Variants in C12orf42 observed in about 807,000 individuals in gnomAD.
C12orf42 encodes the protein chromosome 12 open reading frame 42.
In C12orf42, 25 loss-of-function variants were observed where a neutral mutation model predicts 21.6. The observed-to-expected ratio is 1.16, with a 90% CI of 0.84 to 1.62. The LOEUF (loss-of-function observed/expected upper bound fraction) is 1.62. Among genes scored for constraint, C12orf42 ranks in the 40% most tolerant of loss-of-function variants. C12orf42 has a pLI of 0.00. For synonymous variants in C12orf42, 174 were observed against 175.0 expected, an observed-to-expected ratio of 0.99 and a Z score of 0.05; for missense variants, 483 against 459.3, an observed-to-expected ratio of 1.05 and a Z score of -0.47.
chr12:103,094,147 G>GT, the C12orf42 span, among the ~76,000 whole-genome samples: 2 of 152,144 alleles, frequency 1.3e-5, no homozygotes, highest in African/African-American at 4.8e-5. Flanking sequence ...CCTATATCAG[G>GT]TTTTTATGAC....
intron 2 of C12orf42, among the ~76,000 whole-genome samples, chr12:103,439,871 C>G (rs1951059156): frequency 6.7e-6 from 1 of 149,864 alleles, no homozygotes; most frequent in Non-Finnish European, 1.5e-5. Context: ...GGATCTAAAA[C>G]TAGAAATACC....
At chr12:103,395,062 G>A (rs2047399876) in intron 3 of C12orf42, among the ~76,000 whole-genome samples, 1 of 152,230 alleles carries the variant, frequency 6.6e-6, no homozygotes, top group Non-Finnish European at 1.5e-5. Context: ...CCTGCTGGGA[G>A]CTAAGGATAC....
chr12:103,259,576 G>T (rs2034789492), intron 10 of C12orf42, among the ~76,000 whole-genome samples: 1 of 152,170 alleles, frequency 6.6e-6, no homozygotes, highest in Non-Finnish European at 1.5e-5. Context: ...ACCATGCCTG[G>T]CCATCTTACC....
chr12:103,070,063 C>G, the C12orf42 span, among the ~76,000 whole-genome samples: 1 of 152,156 alleles, frequency 6.6e-6, no homozygotes, highest in Non-Finnish European at 1.5e-5. Flanking sequence ...TTCTGAACTC[C>G]AATTTTATTT....
At chr12:103,442,723 C>T (rs979172302) in intron 2 of C12orf42, among the ~76,000 whole-genome samples, 2 of 152,064 alleles carry the variant, frequency 1.3e-5, no homozygotes, top group African/African-American at 4.8e-5. Context: ...TAAGCGCTTT[C>T]TATGTGTCAG....
At chr12:103,165,807 C>T in the C12orf42 span, among the ~76,000 whole-genome samples, 2 of 144,138 alleles carry the variant, frequency 1.4e-5, no homozygotes, top group African/African-American at 5.5e-5. Flanking sequence ...TTTGGGAGGC[C>T]GAGGGGGTAG....
At chr12:103,343,097 A>C (rs561204440) in intron 4 of C12orf42, among the ~76,000 whole-genome samples, 1 of 152,234 alleles carries the variant, frequency 6.6e-6, no homozygotes, top group Non-Finnish European at 1.5e-5. Flanking sequence ...GGGACTTAAC[A>C]AAATTTAAAA....
the C12orf42 span, among the ~76,000 whole-genome samples, chr12:103,201,873 A>C: frequency 6.6e-6 from 1 of 152,352 alleles, no homozygotes; most frequent in South Asian, 2.1e-4. Flanking sequence ...GCTTTTTGTT[A>C]ACATCATTTG....
intron 2 of C12orf42, among the ~76,000 whole-genome samples, chr12:103,459,424 T>C (rs1318387680): frequency 3.9e-5 from 6 of 152,100 alleles, no homozygotes; most frequent in Admixed American, 3.9e-4. Context: ...GATGAGTGTA[T>C]CCACCGGAGA....
chr12:103,061,029 T>C, the C12orf42 span, among the ~76,000 whole-genome samples: 1 of 152,142 alleles, frequency 6.6e-6, no homozygotes, highest in Admixed American at 6.6e-5. Flanking sequence ...TCTTTACTGA[T>C]GGGTGGAATA....
At chr12:103,479,377 AAAG>A (rs1441835419) in intron 1 of C12orf42, among the ~76,000 whole-genome samples, 1 of 152,068 alleles carries the variant, frequency 6.6e-6, no homozygotes, top group Non-Finnish European at 1.5e-5. Flanking sequence ...TTGAAAAAGA[AAAG>A]AAGACTAGGT....
At chr12:103,334,581 G>C (rs2041525301) in intron 4 of C12orf42, among the ~76,000 whole-genome samples, 1 of 152,110 alleles carries the variant, frequency 6.6e-6, no homozygotes, top group African/African-American at 2.4e-5. Context: ...CACATACCAT[G>C]TGACTCCAAG....
At chr12:103,309,391 TC>T (rs1202310185) in intron 4 of C12orf42, among the ~76,000 whole-genome samples, 1 of 152,242 alleles carries the variant, frequency 6.6e-6, no homozygotes, top group Non-Finnish European at 1.5e-5. Flanking sequence ...CATTTTCTTT[TC>T]TTTAGATTAC....
the C12orf42 span, among the ~76,000 whole-genome samples, chr12:103,054,064 A>G: frequency 1.3e-5 from 2 of 151,796 alleles, no homozygotes; most frequent in African/African-American, 4.8e-5. Context: ...ATTTTAGTTA[A>G]TTCAGTTTAT....
intron 4 of C12orf42, among the ~76,000 whole-genome samples, chr12:103,284,166 C>T (rs2036299628): frequency 6.6e-6 from 1 of 152,132 alleles, no homozygotes; most frequent in African/African-American, 2.4e-5. Flanking sequence ...ACGGCAAGGG[C>T]TTCTTTTATT....
At chr12:103,550,076 A>G in the C12orf42 span, among the ~76,000 whole-genome samples, 1 of 152,104 alleles carries the variant, frequency 6.6e-6, no homozygotes. Flanking sequence ...TATTACATAT[A>G]AATATAATAA....
intron 4 of C12orf42, among the ~76,000 whole-genome samples, chr12:103,294,542 CAAGAAAGA>C (rs768785822): frequency 1.6e-4 from 12 of 75,676 alleles, no homozygotes; most frequent in African/African-American, 6.0e-4. Context: ...AGCAAGCAAG[CAAGAAAGA>C]AAGAAAGAAA....
At chr12:103,060,363 A>G in the C12orf42 span, among the ~76,000 whole-genome samples, 3 of 152,180 alleles carry the variant, frequency 2.0e-5, no homozygotes, top group Admixed American at 6.5e-5. Flanking sequence ...ATGCTCATGG[A>G]TAGGAAGAAT....
chr12:103,227,949 G>A, the C12orf42 span, among the ~76,000 whole-genome samples: 3 of 152,302 alleles, frequency 2.0e-5, no homozygotes, highest in South Asian at 6.2e-4. Flanking sequence ...GTAAGAAGAG[G>A]CCACTTGCCT....
Sources: gnomAD v4.1 joint callset for allele counts (sites outside exome capture counted in the v4.1 genomes callset) on GRCh38, gnomAD v4.1.1 for gene constraint, MANE v1.5 for transcripts, NCBI Gene and HGNC (gene_info 2026-07-23, HGNC 2026-07-21) for gene names.